Variants in DNAH7 observed in about 807,000 individuals in gnomAD.
DNAH7 encodes axonemal beta dynein heavy chain 7.
DNAH7 carries 397 observed loss-of-function variants against 444.6 expected under a neutral mutation model. The ratio of observed to expected loss-of-function variants is 0.89; its 90% CI spans 0.82 to 0.97. DNAH7 has a LOEUF of 0.97. Ranked by LOEUF, DNAH7 falls within the 50% of genes least tolerant of loss-of-function variation. DNAH7 has a pLI of 0.00. For missense variants in DNAH7, 4,902 were observed against 4,800.8 expected, an observed-to-expected ratio of 1.02 and a Z score of -0.62; for synonymous variants, 1,636 against 1,624.4, an observed-to-expected ratio of 1.01 and a Z score of -0.17.
chr2:195,946,126 T>C (rs1357091997), intron 19 of DNAH7, among the ~76,000 whole-genome samples: 1 of 152,098 alleles, frequency 6.6e-6, no homozygotes, highest in Non-Finnish European at 1.5e-5. Flanking sequence ...GAATGGCCAG[T>C]GAAGAAGGGG....
chr2:195,978,000 A>G (rs1692315448), intron 15 of DNAH7, among the ~76,000 whole-genome samples: 1 of 151,922 alleles, frequency 6.6e-6, no homozygotes, highest in African/African-American at 2.4e-5. Context: ...TATTAAAGGG[A>G]GTTCTTCAAT....
In DNAH7 at chr2:195,953,962, T is replaced by G. The variant is rs536315591; in HGVS notation, c.3078+3299A>C. Reference sequence around the variant, plus strand: ...TGGAGAGCATGAGCAAAAGCTTCCCTGAATACTAACATATGGAGAAAGAGA... The same window carrying G: ...TGGAGAGCATGAGCAAAAGCTTCCCGGAATACTAACATATGGAGAAAGAGA... On this transcript the variant is annotated intron_variant, in intron 19 of 64. Coordinates refer to ENST00000312428, the MANE Select transcript of DNAH7 (RefSeq NM_018897.3). 6.8e-4 allele frequency among the ~76,000 whole-genome samples: 103 copies of G among 152,312 alleles called. 1 individual carries two copies. Among genetic ancestry groups the G allele is most frequent in the Admixed American group, 1.3e-3 (20 of 15,292 alleles).
At chr2:195,875,481 G>A (rs1471129849) in intron 38 of DNAH7, among the ~76,000 whole-genome samples, 194 bp downstream of exon 38, 1 of 152,160 alleles carries the variant, frequency 6.6e-6, no homozygotes, top group African/African-American at 2.4e-5. Context: ...GAGTTGGTGG[G>A]TGCATAGCCC....
At chr2:195,804,447 G>A (rs533495237) in intron 54 of DNAH7, among the ~76,000 whole-genome samples, 1 of 152,290 alleles carries the variant, frequency 6.6e-6, no homozygotes, top group South Asian at 2.1e-4. Flanking sequence ...GTGTGGAGGT[G>A]TCGCTAATGG....
At chr2:196,040,745 G>C (rs1438914134) in intron 5 of DNAH7, among the ~76,000 whole-genome samples, 1 of 151,982 alleles carries the variant, frequency 6.6e-6, no homozygotes, top group African/African-American at 2.4e-5. Context: ...GATAAAGAAA[G>C]GGCATCCTAA....
At chr2:195,904,129 G>A (rs1355959493) in intron 27 of DNAH7, 2 of 152,120 alleles carry the variant, frequency 1.3e-5, no homozygotes, top group East Asian at 3.9e-4. Context: ...ATGACAACTG[G>A]AGAAACAGAA....
intron 24 of DNAH7, among the ~76,000 whole-genome samples, chr2:195,914,978 T>G (rs1687584367): frequency 6.6e-6 from 1 of 152,222 alleles, no homozygotes; most frequent in African/African-American, 2.4e-5. Flanking sequence ...TTTACAATTC[T>G]AATCATTCTC....
chr2:195,819,863 A>C (rs1472596262), intron 49 of DNAH7, among the ~76,000 whole-genome samples: 1 of 152,228 alleles, frequency 6.6e-6, no homozygotes, highest in African/African-American at 2.4e-5. Flanking sequence ...AAAAACCAGT[A>C]GTGTCTGGGT....
chr2:195,797,653 T>C (rs891428143), intron 55 of DNAH7, among the ~76,000 whole-genome samples: 1 of 152,170 alleles, frequency 6.6e-6, no homozygotes, highest in African/African-American at 2.4e-5. Context: ...CCACCATTGC[T>C]CTTCCTGGAC....
intron 15 of DNAH7, among the ~76,000 whole-genome samples, chr2:195,974,967 G>A (rs1282755764): frequency 6.6e-6 from 1 of 152,076 alleles, no homozygotes; most frequent in Non-Finnish European, 1.5e-5. Flanking sequence ...ATAATTTCCT[G>A]TGTATAGAAA....
chr2:195,757,453 AT>A (rs1694133500), intron 61 of DNAH7, among the ~76,000 whole-genome samples: 1 of 152,298 alleles, frequency 6.6e-6, no homozygotes, highest in African/African-American at 2.4e-5. Flanking sequence ...AGTTGCTATT[AT>A]TCATTTCTGT....
chr2:195,870,857 T>G (rs1351955022), intron 40 of DNAH7, among the ~76,000 whole-genome samples: 1 of 152,162 alleles, frequency 6.6e-6, no homozygotes, highest in Non-Finnish European at 1.5e-5. Context: ...GCCACCCAGT[T>G]TAGGTACGTT....
intron 34 of DNAH7, among the ~76,000 whole-genome samples, chr2:195,885,081 T>G (rs1467752563): frequency 6.6e-6 from 1 of 152,166 alleles, no homozygotes; most frequent in Admixed American, 6.5e-5. Context: ...AATCTCACAT[T>G]TTCAACACAT....
At chr2:195,744,038 C>A (rs781505412) in intron 63 of DNAH7, among the ~76,000 whole-genome samples, 20 of 152,196 alleles carry the variant, frequency 1.3e-4, no homozygotes, top group Non-Finnish European at 2.5e-4. Flanking sequence ...GCGCACCATG[C>A]GCCACCCGAA....
At chr2:195,862,346 T>C (rs1270108297) in intron 41 of DNAH7, among the ~76,000 whole-genome samples, 2 of 152,224 alleles carry the variant, frequency 1.3e-5, no homozygotes, top group Non-Finnish European at 2.9e-5. Context: ...AAATCCTCTC[T>C]TCTTTCTTTG....
intron 44 of DNAH7, 27 bp downstream of exon 44, chr2:195,857,350 G>A: frequency 6.6e-7 from 1 of 1,510,614 alleles, no homozygotes. Flanking sequence ...GACCATACCA[G>A]CTGGATTTCT....
chr2:195,781,976 TACACAC>T (rs59244207), intron 58 of DNAH7, among the ~76,000 whole-genome samples: 509 of 129,824 alleles, frequency 3.9e-3, no homozygotes, highest in Middle Eastern at 8.5e-3. Context: ...GTGGGTCTTA[TACACAC>T]ACACACACAC....
intron 47 of DNAH7, among the ~76,000 whole-genome samples, chr2:195,844,199 A>T (rs139745907): frequency 1.8e-3 from 272 of 152,322 alleles, no homozygotes; most frequent in African/African-American, 5.9e-3. Context: ...TGCCTCAAAC[A>T]TTTTTACTTT....
rs895517878 is a variant in DNAH7, at chr2:195,975,324, G to A, written c.1834-2858C>T. Among the ~76,000 whole-genome samples the A allele has an allele frequency of 7.2e-5, 11 of 151,890 alleles. No homozygotes were observed. The South Asian group carries it at 1.7e-3, about 23-fold the overall frequency. ...AGAGTGGGACTTTGTGTTGGAACTC[G>A]GTGCTGCCAACATGCACAGACCTCA... On this transcript the variant is annotated intron_variant, in intron 15 of 64. Coordinates refer to ENST00000312428, the MANE Select transcript of DNAH7 (RefSeq NM_018897.3).
Sources: gnomAD v4.1 joint callset for allele counts (sites outside exome capture counted in the v4.1 genomes callset) on GRCh38, gnomAD v4.1.1 for gene constraint, MANE v1.5 for transcripts, NCBI Gene and HGNC (gene_info 2026-07-23, HGNC 2026-07-21) for gene names.